The following BRME1 variants were observed in gnomAD, a reference collection of about 807,000 sequenced individuals.
The protein encoded by BRME1 is BRCA2 and MEILB2-associating protein 1.
BRME1 carries 31 observed loss-of-function variants against 52.6 expected under a neutral mutation model. That is an observed-to-expected ratio of 0.59 (90% CI 0.44 to 0.80). The LOEUF is 0.80. Ranked by LOEUF, BRME1 falls within the 30% of genes least tolerant of loss-of-function variation. The pLI is 0.00. For synonymous variants in BRME1, 359 were observed against 353.6 expected, an observed-to-expected ratio of 1.02 and a Z score of -0.17; for missense variants, 804 against 860.3, an observed-to-expected ratio of 0.93 and a Z score of 0.82.
intron 5 of BRME1, among the ~76,000 whole-genome samples, chr19:13,891,845 G>A (rs2145165501): frequency 6.6e-6 from 1 of 151,770 alleles, no homozygotes; most frequent in Admixed American, 6.5e-5. Flanking sequence ...GGCCGAGGCA[G>A]GCGGATCATT....
chr19:13,890,104 G>A lies in BRME1; in HGVS notation c.752C>T (p.Ala251Val). Residue 251 changes from alanine (A) to valine (V), a missense_variant, in exon 6 of 9, where the codon GCC (alanine) becomes GTC (valine). Coordinates refer to ENST00000586783, the MANE Select transcript of BRME1 (RefSeq NM_001345843.2). ...DSEGEKPDRGAPQEGGAQRTA... is the reference protein window; with the variant it reads ...DSEGEKPDRGVPQEGGAQRTA... ...CCTTTGGGCCCCTCCCTCCTGGGGG[G>A]CTCCTCTGTCTGGCTTCTCCCCTTC... 1 of 1,614,074 alleles carries A rather than the reference G, an allele frequency of 6.2e-7. No individual in the cohort carries two copies. Among genetic ancestry groups the A allele is most frequent in the Non-Finnish European group, 8.5e-7 (1 of 1,180,022 alleles).
chr19:13,902,631 A>G (rs1970375655), intron 2 of BRME1, among the ~76,000 whole-genome samples: 1 of 146,846 alleles, frequency 6.8e-6, no homozygotes, highest in Non-Finnish European at 1.5e-5. Context: ...TGTCTCAAAA[A>G]CAAAAACAAA....
At chr19:13,903,490 T>C (rs914141483) in intron 2 of BRME1, among the ~76,000 whole-genome samples, 2 of 152,030 alleles carry the variant, frequency 1.3e-5, no homozygotes, top group African/African-American at 2.4e-5. Context: ...CTGGCCAACA[T>C]TGTGAAACCC....
At chr19:13,884,988 G>A (rs12975695) in intron 7 of BRME1, 34,399 of 152,220 alleles carry the variant, frequency 0.23, 4,001 homozygotes, top group East Asian at 0.3. Context: ...GGACGCTGTC[G>A]GAGATTCAGA....
At chr19:13,899,042 C>T (rs529924721) in intron 2 of BRME1, among the ~76,000 whole-genome samples, 23 of 152,020 alleles carry the variant, frequency 1.5e-4, no homozygotes, top group African/African-American at 5.5e-4. Flanking sequence ...ATGAGTCTCT[C>T]TTTCCTCGAC....
chr19:13,897,129 C>T lies in BRME1; in HGVS notation c.32-1583G>A, dbSNP rs932782623. Among the ~76,000 whole-genome samples, 4 of 151,320 alleles carry T rather than the reference C, an allele frequency of 2.6e-5. No homozygotes were observed. The South Asian group carries it at 8.3e-4, about 31-fold the overall frequency. On this transcript the variant is annotated intron_variant, in intron 2 of 8. Coordinates refer to ENST00000586783, the MANE Select transcript of BRME1 (RefSeq NM_001345843.2). Reference sequence around the variant, plus strand: ...TCTCTGCTCACCGCAACCTCTGCCTCCCGGGTTCAAGTGATTCTCCTGCCT... The same window carrying T: ...TCTCTGCTCACCGCAACCTCTGCCTTCCGGGTTCAAGTGATTCTCCTGCCT...
At chr19:13,891,660 C>T (rs1305491084) in intron 5 of BRME1, among the ~76,000 whole-genome samples, 1 of 148,736 alleles carries the variant, frequency 6.7e-6, no homozygotes, top group Non-Finnish European at 1.5e-5. Context: ...GTAGAGATGG[C>T]GTTGTGCCAT....
chr19:13,895,319 T>A, intron 3 of BRME1, 53 bp downstream of exon 3: 1 of 1,558,464 alleles, frequency 6.4e-7, no homozygotes, highest in Non-Finnish European at 8.7e-7. Flanking sequence ...TGAGCTGCTG[T>A]GCTATGTGGA....
At chr19:13,902,315 G>A (rs569181487) in intron 2 of BRME1, among the ~76,000 whole-genome samples, 10 of 152,180 alleles carry the variant, frequency 6.6e-5, no homozygotes, top group Admixed American at 1.3e-4. Flanking sequence ...CTCCAGTCTG[G>A]GCAACAGAGT....
In BRME1 at chr19:13,889,288, C is replaced by A. The variant is rs776976989; in HGVS notation, c.1568G>T (p.Gly523Val). 1.8e-5 allele frequency: 29 copies of A among 1,614,158 alleles called. No individual in the cohort carries two copies. Among genetic ancestry groups the A allele is most frequent in the Non-Finnish European group, 2.4e-5 (28 of 1,180,042 alleles). The change falls in exon 6 of 9, where the codon GGC becomes GTC. Residue 523 changes from glycine to valine, a missense_variant. Transcript: ENST00000586783. Reference protein sequence around the residue: ...RDHLPHSADQGTWADSLAVEL... With the variant: ...RDHLPHSADQVTWADSLAVEL... ...CACAGCTAAAGAGTCTGCCCAGGTG[C>A]CCTGGTCTGCAGAATGAGGCAGGTG...
At chr19:13,899,440 G>A (rs1970149319) in intron 2 of BRME1, among the ~76,000 whole-genome samples, 1 of 152,080 alleles carries the variant, frequency 6.6e-6, no homozygotes, top group African/African-American at 2.4e-5. Flanking sequence ...TGTGAGCCAT[G>A]GCGCACGGTA....
rs774452446 is a variant in BRME1, at chr19:13,895,339, G to A, written c.206+33C>T. ...TGCTGTGCTATGTGGACTGTCAGTG[G>A]GGAGACCTGCCGGAATGTTCAGAGC... On this transcript the variant is annotated intron_variant, in intron 3 of 8. Coordinates refer to ENST00000586783, the MANE Select transcript of BRME1 (RefSeq NM_001345843.2). The A allele has an allele frequency of 1.8e-5, 29 of 1,598,630 alleles. No individual in the cohort carries two copies. The South Asian group carries it at 3.0e-4, about 17-fold the overall frequency.
intron 6 of BRME1, among the ~76,000 whole-genome samples, chr19:13,886,562 G>T (rs1969036623): frequency 6.6e-6 from 1 of 152,228 alleles, no homozygotes. Flanking sequence ...GAATACAGGG[G>T]AAAGCCTGGT....
At chr19:13,894,966 T>C (rs1555727079) in intron 3 of BRME1, among the ~76,000 whole-genome samples, 2 of 152,120 alleles carry the variant, frequency 1.3e-5, no homozygotes, top group Non-Finnish European at 2.9e-5. Context: ...CTGCAACCTC[T>C]GCCTCCTGGG....
In BRME1 at chr19:13,886,036, T is replaced by C; in HGVS notation, c.1688A>G (p.Lys563Arg). 6.2e-7 allele frequency: 1 copy of C among 1,613,994 alleles called. No individual in the cohort carries two copies. Among genetic ancestry groups the C allele is most frequent in the Non-Finnish European group, 8.5e-7 (1 of 1,180,002 alleles). The change falls in exon 7 of 9, where the codon AAG becomes AGG. Residue 563 changes from lysine to arginine, a missense_variant. Lys to Arg is a conservative substitution (Grantham distance 26, BLOSUM62 2). Around this residue, in one of 3 missense-constraint regions of BRME1, gnomAD observed 552 missense variants for 561.1 expected, o/e 0.98. Coordinates refer to ENST00000586783, the MANE Select transcript of BRME1 (RefSeq NM_001345843.2). ...GGGGCCCGGCCAGCAAGGGCCCGGC[T>C]TGTTCCCCGAAGGAAAGAGCTGGAA... ...PPEQLFPSGN[K>R]PGPCWPGPSS...
intron 4 of BRME1, 25 bp downstream of exon 4, chr19:13,893,117 C>A: frequency 6.3e-7 from 1 of 1,580,202 alleles, no homozygotes; most frequent in Non-Finnish European, 8.6e-7. Flanking sequence ...GCTTCTATAT[C>A]CACGAGGCCA....
intron 3 of BRME1, 91 bp downstream of exon 3, chr19:13,895,281 G>C (rs903055707): frequency 7.2e-7 from 1 of 1,382,680 alleles, no homozygotes; most frequent in African/African-American, 1.4e-5. Flanking sequence ...TAGGTTGTGG[G>C]TCTCTTTCCC....
At position 13,890,256 on chromosome 19, in the gene BRME1, C is replaced by T. The variant is rs754718658; in HGVS notation, c.600G>A (p.Gly200=). The part of the protein sequence containing the change: ...QPDDPPDRGT[G]LSASQRASQD... ...GGCTGGCCCTCTGTGAGGCGGACAA[C>T]CCCGTCCCCCTGTCTGGAGGGTCAT... The change falls in exon 6 of 9, where the codon GGG becomes GGA. Residue 200 remains glycine, a synonymous_variant. Transcript: ENST00000586783. 7 of 1,613,814 alleles carry T rather than the reference C, an allele frequency of 4.3e-6. No homozygotes were observed. The South Asian group carries it at 6.6e-5, about 15-fold the overall frequency.
At chr19:13,887,757 A>G (rs10415991) in intron 6 of BRME1, among the ~76,000 whole-genome samples, 51,249 of 149,356 alleles carry the variant, frequency 0.34, 11,817 homozygotes, top group African/African-American at 0.66. Context: ...CCACTGAACC[A>G]CACTGTGACT....
Sources: gnomAD v4.1 joint callset for allele counts (sites outside exome capture counted in the v4.1 genomes callset) on GRCh38, gnomAD v4.1.1 for gene constraint, gnomAD v4.1.1 regional missense constraint, MANE v1.5 for transcripts, NCBI Gene and HGNC (gene_info 2026-07-23, HGNC 2026-07-21) for gene names.